DDRGK1: variants seen among roughly 807,000 people sequenced by gnomAD.
The protein encoded by DDRGK1 is DDRGK domain containing 1, also known as DDRGK domain-containing protein 1.
DDRGK1 carries 38 observed loss-of-function variants against 45.8 expected under a neutral mutation model. That is an observed-to-expected ratio of 0.83 (90% CI 0.64 to 1.09). The LOEUF (loss-of-function observed/expected upper bound fraction) is 1.09. Among genes scored for constraint, DDRGK1 ranks in the 50% least tolerant of loss-of-function variants. DDRGK1 has a pLI of 0.00. For missense variants in DDRGK1, 403 were observed against 419.9 expected, an observed-to-expected ratio of 0.96 and a Z score of 0.35; for synonymous variants, 171 against 168.7, an observed-to-expected ratio of 1.01 and a Z score of -0.11.
At position 3,203,312 on chromosome 20, in the gene DDRGK1, G is replaced by A. The variant is rs1394614974; in HGVS notation, c.196C>T (p.Arg66Cys). ...EEPRAGGRPRRRRDLGSRLQA... is the reference protein window; with the variant it reads ...EEPRAGGRPRCRRDLGSRLQA... ...AGGCGGCTGCCCAGGTCCCTCCGGC[G>A]CCGAGGCCTGCCTCCAGCTCTCGGC... The change falls in exon 2 of 9, where the codon CGC becomes TGC. Residue 66 changes from arginine (R) to cysteine (C), a missense_variant. By Grantham distance (180) the Arg-to-Cys change is radical (BLOSUM62 -3). Coordinates refer to ENST00000354488, the MANE Select transcript of DDRGK1 (RefSeq NM_023935.3). 8 of 1,607,952 alleles carry A rather than the reference G, an allele frequency of 5.0e-6. No homozygotes were observed. The highest frequency in any genetic ancestry group is 1.7e-4 in the Middle Eastern group (1 of 6,034).
intron 6 of DDRGK1, 72 bp from the exon 7 acceptor site, chr20:3,191,893 G>GATCTGATCT (rs2066990891): frequency 6.7e-7 from 1 of 1,486,566 alleles, no homozygotes; most frequent in Non-Finnish European, 9.1e-7. Context: ...GCACCCTCCA[G>GATCTGATCT]GTTTGCATTC....
chr20:3,196,448 C>T (rs998631537), intron 4 of DDRGK1, among the ~76,000 whole-genome samples: 6 of 151,840 alleles, frequency 4.0e-5, no homozygotes, highest in South Asian at 2.1e-4. Context: ...GAGGCCAAGG[C>T]GGGCGGATCA....
chr20:3,202,367 C>T (rs925678906), intron 2 of DDRGK1, among the ~76,000 whole-genome samples: 1 of 152,182 alleles, frequency 6.6e-6, no homozygotes, highest in Non-Finnish European at 1.5e-5. Context: ...AACCCCCAGG[C>T]AAGGGAAGTC....
chr20:3,196,974 C>A (rs1473393082), intron 4 of DDRGK1, among the ~76,000 whole-genome samples: 1 of 151,542 alleles, frequency 6.6e-6, no homozygotes, highest in African/African-American at 2.4e-5. Flanking sequence ...GGTAATCCCA[C>A]CACTTTGGGA....
At chr20:3,202,834 T>G (rs376699438) in intron 2 of DDRGK1, among the ~76,000 whole-genome samples, 155 of 152,318 alleles carry the variant, frequency 1.0e-3, no homozygotes, top group African/African-American at 3.6e-3. Flanking sequence ...ACTGTTTTCC[T>G]GGGGTTGTGG....
At chr20:3,204,460 G>A (rs2067056706) in intron 1 of DDRGK1, 77 bp downstream of exon 1, 15 of 1,429,902 alleles carry the variant, frequency 1.0e-5, no homozygotes, top group African/African-American at 1.4e-5. Context: ...CGCAGGAGCC[G>A]CGGCGCGACG....
At chr20:3,202,818 CT>C (rs1232639940) in intron 2 of DDRGK1, among the ~76,000 whole-genome samples, 1 of 152,160 alleles carries the variant, frequency 6.6e-6, no homozygotes, top group Non-Finnish European at 1.5e-5. Flanking sequence ...ATGTCTCTAT[CT>C]TTAAACTGTT....
intron 6 of DDRGK1, among the ~76,000 whole-genome samples, chr20:3,192,358 G>A (rs1300880473): frequency 6.6e-6 from 1 of 152,210 alleles, no homozygotes; most frequent in Admixed American, 6.5e-5. Context: ...CCGCCCTGGA[G>A]CTCGCAGTCC....
chr20:3,200,522 C>T lies in DDRGK1; in HGVS notation c.296-68G>A, dbSNP rs2067032193. 11 of 1,378,456 alleles carry T rather than the reference C, an allele frequency of 8.0e-6. No individual in the cohort carries two copies. The Admixed American group carries it at 2.2e-4, about 28-fold the overall frequency. 85.4% of individuals were successfully genotyped at this position (1,378,456 alleles called of 1,614,324 possible). A position where few individuals can be genotyped will look rare whatever the true frequency, so the allele number is the denominator to read the frequency against. On this transcript the variant is annotated intron_variant, in intron 2 of 8. Transcript: ENST00000354488. Reference sequence around the variant, plus strand: ...AGGACTGATGACGATGGATCCCCAACCCCTCGTCCCTCCCCTAACAGGGGG... The same window carrying T: ...AGGACTGATGACGATGGATCCCCAATCCCTCGTCCCTCCCCTAACAGGGGG...
intron 2 of DDRGK1, 54 bp from the exon 3 acceptor site, chr20:3,200,508 CG>C (rs2067032111): frequency 6.7e-7 from 1 of 1,486,172 alleles, no homozygotes; most frequent in Admixed American, 2.0e-5. Flanking sequence ...GGACTGATGA[CG>C]ATGGATCCCC....
At chr20:3,201,999 AGACG>A (rs2067042377) in intron 2 of DDRGK1, among the ~76,000 whole-genome samples, 1 of 134,166 alleles carries the variant, frequency 7.5e-6, no homozygotes, top group African/African-American at 2.9e-5. Context: ...TTGTTTTTGG[AGACG>A]GAGTCTCGCT....
At chr20:3,202,330 G>C (rs969246156) in intron 2 of DDRGK1, among the ~76,000 whole-genome samples, 1 of 152,144 alleles carries the variant, frequency 6.6e-6, no homozygotes, top group African/African-American at 2.4e-5. Context: ...GAACTCCAGA[G>C]TTCTCTGGCT....
At chr20:3,195,485 A>C in intron 4 of DDRGK1, 132 bp from the exon 5 acceptor site, 1 of 1,299,490 alleles carries the variant, frequency 7.7e-7, no homozygotes, top group Non-Finnish European at 1.0e-6. Flanking sequence ...CTCCTTCAGG[A>C]CCCCCATTTC....
At chr20:3,195,473 A>G in intron 4 of DDRGK1, 120 bp from the exon 5 acceptor site, 1 of 1,380,644 alleles carries the variant, frequency 7.2e-7, no homozygotes, top group Non-Finnish European at 9.6e-7. Context: ...TCAGAGACAG[A>G]GCTCCTTCAG....
intron 4 of DDRGK1, among the ~76,000 whole-genome samples, chr20:3,199,463 G>C (rs1330758101): frequency 1.3e-5 from 2 of 152,168 alleles, no homozygotes; most frequent in East Asian, 3.8e-4. Context: ...GGTCTTCCCA[G>C]CTAGGGCAGC....
intron 7 of DDRGK1, 198 bp downstream of exon 7, chr20:3,191,567 T>A (rs560128508): frequency 6.6e-6 from 5 of 756,464 alleles, no homozygotes; most frequent in Non-Finnish European, 6.9e-6. Context: ...GGGGTTTGGG[T>A]TTTTTTTTTC....
rs1236201182 is a variant in DDRGK1 at position 3,196,521 on chromosome 20, C to A, written c.511-1168G>T. ...TGAAACCCTGTCTCCACTAAAAATACAAAAAAAAAATTAGCCGGGCGTGGT... is the reference window on the plus strand; with the variant it reads ...TGAAACCCTGTCTCCACTAAAAATAAAAAAAAAAAATTAGCCGGGCGTGGT... On this transcript the variant is annotated intron_variant, in intron 4 of 8. Transcript: ENST00000354488. Among the ~76,000 whole-genome samples the A allele has an allele frequency of 2.1e-5, 3 of 145,910 alleles. 1 individual carries two copies. The highest frequency in any genetic ancestry group is 7.7e-5 in the African/African-American group (3 of 39,006).
At chr20:3,190,871 T>C in intron 8 of DDRGK1, 52 bp from the exon 9 acceptor site, 2 of 1,556,902 alleles carry the variant, frequency 1.3e-6, no homozygotes, top group Non-Finnish European at 1.7e-6. Context: ...GTTCCCCATC[T>C]GGCCTGAGAA....
At chr20:3,196,977 C>A (rs1331933222) in intron 4 of DDRGK1, among the ~76,000 whole-genome samples, 1 of 151,944 alleles carries the variant, frequency 6.6e-6, no homozygotes, top group African/African-American at 2.4e-5. Flanking sequence ...AATCCCACCA[C>A]TTTGGGAGGC....
Sources: allele counts gnomAD v4.1 joint callset (sites outside exome capture counted in the v4.1 genomes callset), GRCh38; gene constraint gnomAD v4.1.1; transcripts MANE v1.5; gene names NCBI Gene and HGNC (gene_info 2026-07-23, HGNC 2026-07-21).